The following DRC8 variants were observed in gnomAD, a reference collection of about 807,000 sequenced individuals.
DRC8 encodes dynein regulatory complex subunit 8, also known as dynein regulatory complex protein 8.
chr1:245,038,930 G>T, the DRC8 span, among the ~76,000 whole-genome samples: 1 of 151,176 alleles, frequency 6.6e-6, no homozygotes, highest in Non-Finnish European at 1.5e-5. Context: ...AACACCTTGA[G>T]AAAAATCTTA....
the DRC8 span, among the ~76,000 whole-genome samples, chr1:245,045,870 G>A: frequency 6.6e-6 from 1 of 152,234 alleles, no homozygotes; most frequent in Non-Finnish European, 1.5e-5. Context: ...GTTGCAGACA[G>A]CCAATTTCCC....
At chr1:244,988,838 T>A in the DRC8 span, among the ~76,000 whole-genome samples, 1 of 152,230 alleles carries the variant, frequency 6.6e-6, no homozygotes, top group African/African-American at 2.4e-5. Context: ...GTGGTAACCC[T>A]CAAAACAACC....
At chr1:245,020,662 C>G in the DRC8 span, among the ~76,000 whole-genome samples, 1 of 136,412 alleles carries the variant, frequency 7.3e-6, no homozygotes, top group African/African-American at 2.7e-5. Flanking sequence ...CTCTGTCACC[C>G]AGGCTGGAGT....
the DRC8 span, chr1:244,970,049 T>TGCGCGCGCGTGC: frequency 1.6e-6 from 1 of 627,862 alleles, no homozygotes; most frequent in South Asian, 1.8e-5. Context: ...GAGGGGTGTG[T>TGCGCGCGCGTGC]GCGCGCGCGT....
At chr1:245,048,955 G>A in the DRC8 span, among the ~76,000 whole-genome samples, 16 of 149,940 alleles carry the variant, frequency 1.1e-4, no homozygotes, top group Admixed American at 8.7e-4. Flanking sequence ...GGTGTGCACC[G>A]CTGGGGTCTT....
At chr1:245,114,659 G>C in the DRC8 span, among the ~76,000 whole-genome samples, 25 of 152,152 alleles carry the variant, frequency 1.6e-4, no homozygotes, top group African/African-American at 6.0e-4. Context: ...GGTGAAATAG[G>C]GCAGATTTTT....
the DRC8 span, among the ~76,000 whole-genome samples, chr1:245,113,145 G>A: frequency 4.5e-3 from 689 of 152,228 alleles, 5 homozygotes; most frequent in African/African-American, 0.016. Flanking sequence ...GAATATGTTT[G>A]CTTATTCTGC....
the DRC8 span, among the ~76,000 whole-genome samples, chr1:245,034,856 GA>G: frequency 9.9e-6 from 1 of 101,288 alleles, no homozygotes; most frequent in Admixed American, 1.2e-4. Flanking sequence ...ACCAATAAAT[GA>G]AAGTTTTTTT....
the DRC8 span, among the ~76,000 whole-genome samples, chr1:244,999,226 T>C: frequency 6.7e-6 from 1 of 148,944 alleles, no homozygotes; most frequent in Non-Finnish European, 1.5e-5. Flanking sequence ...TTAAGCCTCC[T>C]GAAAAAAAAA....
At chr1:245,004,857 TAAG>T in the DRC8 span, among the ~76,000 whole-genome samples, 2 of 152,236 alleles carry the variant, frequency 1.3e-5, no homozygotes, top group Non-Finnish European at 2.9e-5. Context: ...ACAATAACCT[TAAG>T]AAGTATTTTT....
chr1:244,987,379 A>G, the DRC8 span, among the ~76,000 whole-genome samples: 3 of 151,040 alleles, frequency 2.0e-5, no homozygotes, highest in Non-Finnish European at 4.4e-5. Flanking sequence ...TTTTTTTTGT[A>G]TTTTTAGTAG....
the DRC8 span, among the ~76,000 whole-genome samples, chr1:245,089,629 A>G: frequency 6.6e-6 from 1 of 152,186 alleles, no homozygotes; most frequent in African/African-American, 2.4e-5. This position sits in a 1 kb window ranked among gnomAD's most constrained non-coding sequence, Gnocchi z 4.8. Flanking sequence ...CCTCTCCCAC[A>G]GCAGATGTGG....
At chr1:245,105,622 CAAAAA>C in the DRC8 span, among the ~76,000 whole-genome samples, 128 of 114,350 alleles carry the variant, frequency 1.1e-3, 1 homozygote, top group African/African-American at 4.5e-3. Context: ...GACCCCATCT[CAAAAA>C]AAAAAAAAAA....
chr1:245,069,773 G>A, the DRC8 span, among the ~76,000 whole-genome samples: 1 of 152,178 alleles, frequency 6.6e-6, no homozygotes, highest in African/African-American at 2.4e-5. Context: ...TGGGCATGGG[G>A]GTGCACCCCA....
At chr1:245,037,827 G>A in the DRC8 span, among the ~76,000 whole-genome samples, 1 of 151,976 alleles carries the variant, frequency 6.6e-6, no homozygotes, top group Admixed American at 6.6e-5. Flanking sequence ...GAAATCAAGA[G>A]CGTTCACCTA....
At chr1:245,098,904 T>C in the DRC8 span, among the ~76,000 whole-genome samples, 1 of 152,214 alleles carries the variant, frequency 6.6e-6, no homozygotes, top group South Asian at 2.1e-4. Flanking sequence ...TTCACAAAAA[T>C]GGTGTGCCTA....
At chr1:245,120,423 C>A in the DRC8 span, among the ~76,000 whole-genome samples, 1 of 152,210 alleles carries the variant, frequency 6.6e-6, no homozygotes, top group African/African-American at 2.4e-5. Context: ...AACCAGTTCC[C>A]TTCTCAAGAA....
At chr1:245,006,375 G>A in the DRC8 span, among the ~76,000 whole-genome samples, 5 of 151,882 alleles carry the variant, frequency 3.3e-5, no homozygotes, top group South Asian at 2.1e-4. Context: ...GCAATGGTGC[G>A]ATCTCCACTT....
At chr1:245,030,636 TTTATTTCTTCTTTTCCAGA>T in the DRC8 span, 1 of 152,330 alleles carries the variant, frequency 6.6e-6, no homozygotes, top group East Asian at 1.9e-4. Flanking sequence ...CTCACCTGCT[TTTATTTCTTCTTTTCCAGA>T]TTCTTCCTAT....
Sources: allele counts gnomAD v4.1 joint callset (sites outside exome capture counted in the v4.1 genomes callset), GRCh38; gene constraint gnomAD v4.1.1; non-coding constraint Gnocchi (gnomAD v3.1); transcripts MANE v1.5; gene names NCBI Gene and HGNC (gene_info 2026-07-23, HGNC 2026-07-21).